The following OPCML variants were observed in gnomAD, a reference collection of about 807,000 sequenced individuals.
The protein encoded by OPCML is opioid-binding protein/cell adhesion molecule.
A neutral mutation model predicts 37.8 loss-of-function variants in OPCML; 13 were observed. The observed-to-expected ratio is 0.34, with a 90% CI of 0.22 to 0.55. The LOEUF is 0.55. Among genes scored for constraint, OPCML ranks in the 20% least tolerant of loss-of-function variants. The pLI, the probability that OPCML is intolerant of heterozygous loss-of-function variation, is 0.91. For synonymous variants in OPCML, 176 were observed against 168.8 expected, an observed-to-expected ratio of 1.04 and a Z score of -0.33; for missense variants, 341 against 435.6, an observed-to-expected ratio of 0.78 and a Z score of 1.93.
chr11:132,829,649 T>A (rs1940570579), intron 2 of OPCML, among the ~76,000 whole-genome samples: 1 of 152,222 alleles, frequency 6.6e-6, no homozygotes, highest in Non-Finnish European at 1.5e-5. Flanking sequence ...CAGCCTCATG[T>A]CTCAGCTCCA....
At chr11:132,894,210 G>A (rs1943752784) in intron 2 of OPCML, among the ~76,000 whole-genome samples, 1 of 152,100 alleles carries the variant, frequency 6.6e-6, no homozygotes, top group South Asian at 2.1e-4. Flanking sequence ...TCTTTTATCA[G>A]TCATTATACC....
intron 1 of OPCML, among the ~76,000 whole-genome samples, chr11:133,214,100 AAAT>A (rs1555116059): frequency 1.3e-5 from 2 of 152,102 alleles, no homozygotes; most frequent in Non-Finnish European, 2.9e-5. Flanking sequence ...TTTTCCCTTA[AAAT>A]AATAATAATA....
At chr11:132,722,989 C>T (rs907201371) in intron 2 of OPCML, among the ~76,000 whole-genome samples, 3 of 151,998 alleles carry the variant, frequency 2.0e-5, no homozygotes, top group African/African-American at 7.2e-5. Flanking sequence ...CCAGTCTGAC[C>T]CCAGAGATGA....
At chr11:133,272,907 C>T (rs1031684791) in intron 1 of OPCML, among the ~76,000 whole-genome samples, 6 of 152,156 alleles carry the variant, frequency 3.9e-5, no homozygotes, top group African/African-American at 1.4e-4. Flanking sequence ...AATGTTATTG[C>T]TTTCACTCCT....
chr11:132,582,856 T>G (rs1326161037), intron 3 of OPCML, among the ~76,000 whole-genome samples: 3 of 148,682 alleles, frequency 2.0e-5, no homozygotes, highest in African/African-American at 7.4e-5. Flanking sequence ...GTTTTTTTTT[T>G]TTTTTTTTTT....
intron 1 of OPCML, among the ~76,000 whole-genome samples, chr11:133,382,241 A>T (rs914101089): frequency 4.6e-5 from 7 of 152,230 alleles, no homozygotes; most frequent in African/African-American, 1.4e-4. Flanking sequence ...ATTAATGGCC[A>T]GCTGTGTGGA....
chr11:133,344,190 C>G (rs1943943020), intron 1 of OPCML, among the ~76,000 whole-genome samples: 1 of 152,196 alleles, frequency 6.6e-6, no homozygotes, highest in South Asian at 2.1e-4. Context: ...AATAGCAGCC[C>G]TCACTCCTGC....
At chr11:132,547,968 G>A (rs1329433024) in intron 3 of OPCML, among the ~76,000 whole-genome samples, 1 of 152,166 alleles carries the variant, frequency 6.6e-6, no homozygotes, top group African/African-American at 2.4e-5. Context: ...GCTTAGACCT[G>A]GTGCCTACTG....
At chr11:132,680,034 T>G (rs1942871507) in intron 2 of OPCML, among the ~76,000 whole-genome samples, 1 of 152,208 alleles carries the variant, frequency 6.6e-6, no homozygotes. Context: ...GAATGCAAGA[T>G]GCTTTATCAA....
At chr11:133,219,394 A>G (rs1185146959) in intron 1 of OPCML, among the ~76,000 whole-genome samples, 1 of 152,240 alleles carries the variant, frequency 6.6e-6, no homozygotes, top group Non-Finnish European at 1.5e-5. Flanking sequence ...GCTATTGATC[A>G]CTTGGAATGT....
intron 1 of OPCML, chr11:133,365,261 T>C (rs1310473591): frequency 6.6e-6 from 1 of 152,262 alleles, no homozygotes; most frequent in East Asian, 1.9e-4. Context: ...TCATTTGGAA[T>C]GCTATTACAG....
At chr11:132,611,448 C>T (rs1342687234) in intron 3 of OPCML, among the ~76,000 whole-genome samples, 2 of 152,156 alleles carry the variant, frequency 1.3e-5, no homozygotes, top group Non-Finnish European at 2.9e-5. Context: ...TTTCCCACAG[C>T]TTTTTATCTG....
chr11:132,436,914 T>TAAAATAATC (rs1300220080), intron 5 of OPCML, 135 bp from the exon 6 acceptor site: 1 of 1,452,144 alleles, frequency 6.9e-7, no homozygotes, highest in African/African-American at 1.4e-5. Context: ...TCTTTCCCAG[T>TAAAATAATC]AAAATAATCA....
chr11:133,223,208 G>T (rs550900759), intron 1 of OPCML, among the ~76,000 whole-genome samples: 1 of 152,146 alleles, frequency 6.6e-6, no homozygotes, highest in Admixed American at 6.5e-5. Context: ...TGTCTTCACC[G>T]CCCAGTGCAA....
In OPCML at chr11:132,685,728, A is replaced by C. The variant is rs968258565; in HGVS notation, c.147-28409T>G. On this transcript the variant is annotated intron_variant, in intron 2 of 7. Coordinates refer to ENST00000524381, the MANE Select transcript of OPCML (RefSeq NM_001012393.5). ...AAGGAAGAAAGATTTATTTGTAATT[A>C]TCAGAAATAAACACAGTTCCTGAGA... Among the ~76,000 whole-genome samples the C allele has an allele frequency of 5.3e-5, 8 of 152,316 alleles. 1 individual carries two copies. The highest frequency in any genetic ancestry group is 5.2e-4 in the Admixed American group (8 of 15,302).
At chr11:132,641,317 C>T (rs912967941) in intron 3 of OPCML, among the ~76,000 whole-genome samples, 4 of 152,204 alleles carry the variant, frequency 2.6e-5, no homozygotes, top group Admixed American at 2.6e-4. Context: ...GGCCCTTCCA[C>T]GCACACCTCC....
chr11:133,344,665 T>G (rs921700366), intron 1 of OPCML, among the ~76,000 whole-genome samples: 1 of 152,112 alleles, frequency 6.6e-6, no homozygotes, highest in African/African-American at 2.4e-5. Flanking sequence ...CACACTTCTA[T>G]CTCTTGCTGT....
chr11:132,875,059 CAACT>C (rs1942958377), intron 2 of OPCML, among the ~76,000 whole-genome samples: 1 of 152,072 alleles, frequency 6.6e-6, no homozygotes, highest in Admixed American at 6.5e-5. Flanking sequence ...TTAAGCATAC[CAACT>C]ATTTTACTTG....
rs563423913 is a variant in OPCML at position 132,416,574 on chromosome 11, A to G, written c.*3619T>C. On this transcript the variant is annotated 3_prime_UTR_variant, in exon 8 of 8. Coordinates refer to ENST00000524381, the MANE Select transcript of OPCML (RefSeq NM_001012393.5). ...ACCCAGCCTCAGTTTTGAAGTTGCT[A>G]GAGTCCAGGAATAGTCTTCTCACCC... 2.0e-5 allele frequency: 3 copies of G among 152,334 alleles called. No homozygotes were observed. Among genetic ancestry groups the G allele is most frequent in the South Asian group, 2.1e-4 (1 of 4,828 alleles). 9.4% of individuals were successfully genotyped at this position (152,334 alleles called of 1,614,324 possible).
Sources: allele counts gnomAD v4.1 joint callset (sites outside exome capture counted in the v4.1 genomes callset), GRCh38; gene constraint gnomAD v4.1.1; transcripts MANE v1.5; gene names NCBI Gene and HGNC (gene_info 2026-07-23, HGNC 2026-07-21).